Variants in TRPM1 observed in about 807,000 individuals in gnomAD.
The protein encoded by TRPM1 is TRPM1-203 APA Isoform, Intron 10.
Under a neutral mutation model 149.4 loss-of-function variants are expected in TRPM1, and 113 were observed. The ratio of observed to expected loss-of-function variants is 0.76; its 90% confidence interval spans 0.65 to 0.88. The LOEUF (loss-of-function observed/expected upper bound fraction) is 0.88. TRPM1 is among the 40% of genes least tolerant of loss of function. The pLI is 0.00. For synonymous variants in TRPM1, 741 were observed against 759.5 expected, an observed-to-expected ratio of 0.98 and a Z score of 0.40; for missense variants, 1,976 against 2,038.7, an observed-to-expected ratio of 0.97 and a Z score of 0.59.
chr15:31,042,570 C>T (rs982161331), intron 16 of TRPM1, among the ~76,000 whole-genome samples: 8 of 152,196 alleles, frequency 5.3e-5, no homozygotes, highest in African/African-American at 1.9e-4. Flanking sequence ...CAAAACTAAA[C>T]ACAAATAACA....
At chr15:31,092,632 C>A (rs2035270285) in intron 1 of TRPM1, among the ~76,000 whole-genome samples, 1 of 152,206 alleles carries the variant, frequency 6.6e-6, no homozygotes, top group South Asian at 2.1e-4. Context: ...CCTCCACAGC[C>A]CAGCACTTCC....
chr15:31,127,108 G>T (rs8031038), intron 1 of TRPM1, among the ~76,000 whole-genome samples: 1 of 152,056 alleles, frequency 6.6e-6, no homozygotes, highest in Non-Finnish European at 1.5e-5. Flanking sequence ...ACCCCATGAA[G>T]CTGGTTTGTG....
rs1303858824 is a variant in TRPM1, at chr15:31,002,124, C to T, written c.4576G>A (p.Asp1526Asn). ...VQAEHKEQFA[D>N]MQDEHHVAEA... ...GCGACATGGTGTTCATCTTGCATAT[C>T]TGCAAACTGCTCTTTATGCTCAGCT... The change falls in exon 28 of 28, where the codon GAT becomes AAT. Residue 1526 changes from aspartate (D) to asparagine (N), a missense_variant. Coordinates refer to ENST00000256552, the MANE Select transcript of TRPM1 (RefSeq NM_001252024.2). The T allele has an allele frequency of 3.7e-6, 6 of 1,614,212 alleles. No individual in the cohort carries two copies. The Admixed American group carries it at 5.0e-5, about 13-fold the overall frequency.
At chr15:31,159,890 G>A (rs755911678) in intron 1 of TRPM1, among the ~76,000 whole-genome samples, 8 of 152,238 alleles carry the variant, frequency 5.3e-5, no homozygotes, top group South Asian at 2.1e-4. Context: ...CAGCGGCTCC[G>A]TTCCCAGCTC....
intron 5 of TRPM1, 124 bp downstream of exon 5, chr15:31,067,755 T>C (rs2034420464): frequency 2.1e-6 from 2 of 952,770 alleles, no homozygotes; most frequent in Non-Finnish European, 3.3e-6. Context: ...GACTTCACTT[T>C]AGTCATAAAT....
At chr15:31,127,324 A>G (rs1290920170) in intron 1 of TRPM1, among the ~76,000 whole-genome samples, 1 of 152,162 alleles carries the variant, frequency 6.6e-6, no homozygotes, top group African/African-American at 2.4e-5. Context: ...AGAGTGGCCA[A>G]AGGCCTACCA....
At chr15:31,118,917 G>A (rs939168788) in intron 1 of TRPM1, among the ~76,000 whole-genome samples, 2 of 152,004 alleles carry the variant, frequency 1.3e-5, no homozygotes, top group African/African-American at 2.4e-5. Context: ...AGGGACACAA[G>A]CATTCAGTCC....
At chr15:31,127,528 G>T (rs1264302255) in intron 1 of TRPM1, among the ~76,000 whole-genome samples, 1 of 152,222 alleles carries the variant, frequency 6.6e-6, no homozygotes, top group African/African-American at 2.4e-5. Flanking sequence ...GCAGCTGAGG[G>T]CAGCCCAGGA....
chr15:31,104,650 G>A (rs189626964), upstream of TRPM1, among the ~76,000 whole-genome samples: 3,306 of 143,432 alleles, frequency 0.023, 56 homozygotes, highest in Non-Finnish European at 0.034. Context: ...CTGGAGTGCA[G>A]TGGCGCCATC....
intron 11 of TRPM1, chr15:31,060,267 C>G: frequency 1.9e-6 from 1 of 524,416 alleles, no homozygotes; most frequent in South Asian, 2.1e-5. Context: ...ATTTCTTCTT[C>G]TTTTTCTTTA....
At position 31,040,004 on chromosome 15, in the gene TRPM1, A is replaced by AG. The variant is rs1347396833; in HGVS notation, c.2316+113dup. 1.1e-6 allele frequency: 1 copy of AG among 897,792 alleles called. No homozygotes were observed. The highest frequency in any genetic ancestry group is 1.8e-6 in the Non-Finnish European group (1 of 555,774). The allele number at this position is 897,792 out of a possible 1,614,324, so 55.6% of individuals were successfully genotyped here. A position where few individuals can be genotyped will look rare whatever the true frequency, so the allele number is the denominator to read the frequency against. ...CAATGATTGTCATGGCGTCTCCCTC[A>AG]GGGGGTTGCTAGAAGGAATAAATGA... is the stretch of plus-strand genomic sequence containing the variant. On this transcript the variant is annotated intron_variant, in intron 18 of 27. Coordinates refer to ENST00000256552, the MANE Select transcript of TRPM1 (RefSeq NM_001252024.2). The surrounding 1 kb of genome is among the most constrained non-coding windows in gnomAD (Gnocchi z 4.2).
At chr15:31,062,194 A>G (rs2034252893) in intron 9 of TRPM1, among the ~76,000 whole-genome samples, 1 of 152,248 alleles carries the variant, frequency 6.6e-6, no homozygotes, top group Admixed American at 6.5e-5. Context: ...GCACGACAAG[A>G]GTACCTATTC....
At chr15:31,067,857 G>A in intron 5 of TRPM1, 22 bp downstream of exon 5, 1 of 1,610,684 alleles carries the variant, frequency 6.2e-7, no homozygotes, top group Non-Finnish European at 8.5e-7. Context: ...TGATTATCGG[G>A]AGGGAAAGGG....
Position 31,026,272 on chromosome 15 carries a change from C to T in TRPM1, c.3497-1G>A, listed in dbSNP as rs1486667990. On this transcript the variant is annotated splice_acceptor_variant, in intron 26 of 27. Transcript: ENST00000256552. LOFTEE classifies it high-confidence loss of function. ...AGCTCCTCGTCGCTAAGGAAGAGCT[C>T]TGTGTGAAGGGAGAAGTGTCGGCCA... 6.2e-7 allele frequency: 1 copy of T among 1,609,998 alleles called. No individual in the cohort carries two copies. The highest frequency in any genetic ancestry group is 8.5e-7 in the Non-Finnish European group (1 of 1,180,006).
chr15:31,069,693 G>A (rs1359566862), intron 4 of TRPM1: 18 of 1,418,894 alleles, frequency 1.3e-5, no homozygotes, highest in Non-Finnish European at 1.6e-5. Flanking sequence ...TAAGGGGGCT[G>A]CAGGTCCACA....
intron 20 of TRPM1, 95 bp from the exon 21 acceptor site, chr15:31,035,769 G>T: frequency 6.4e-6 from 10 of 1,568,462 alleles, no homozygotes; most frequent in Non-Finnish European, 8.7e-6. Flanking sequence ...ACATCTAAAA[G>T]AATCTTTGTT....
intron 1 of TRPM1, among the ~76,000 whole-genome samples, chr15:31,121,820 G>A (rs2035885128): frequency 1.3e-5 from 2 of 151,980 alleles, no homozygotes; most frequent in South Asian, 4.1e-4. Flanking sequence ...CATTATATGA[G>A]GCCAGCATTT....
intron 7 of TRPM1, among the ~76,000 whole-genome samples, chr15:31,063,504 C>A (rs1348834675): frequency 6.6e-6 from 1 of 152,134 alleles, no homozygotes; most frequent in African/African-American, 2.4e-5. Context: ...GTCCCCCAAG[C>A]TGGAGTGCAG....
chr15:31,130,107 T>C (rs2035998414), intron 1 of TRPM1, among the ~76,000 whole-genome samples: 1 of 152,186 alleles, frequency 6.6e-6, no homozygotes, highest in Admixed American at 6.5e-5. Context: ...GTGGCTCCCC[T>C]GAAACTCCTG....
Sources: allele counts gnomAD v4.1 joint callset (sites outside exome capture counted in the v4.1 genomes callset), GRCh38; gene constraint gnomAD v4.1.1; non-coding constraint Gnocchi (gnomAD v3.1); transcripts MANE v1.5; gene names NCBI Gene and HGNC (gene_info 2026-07-23, HGNC 2026-07-21).